FNDC3B: variants seen among roughly 807,000 people sequenced by gnomAD.
The protein encoded by FNDC3B is fibronectin type III domain containing 3B.
FNDC3B carries 12 observed loss-of-function variants against 151.5 expected under a neutral mutation model. That is an observed-to-expected ratio of 0.08 (90% CI 0.05 to 0.13). FNDC3B has a LOEUF of 0.13. Ranked by LOEUF, FNDC3B falls within the 10% of genes least tolerant of loss-of-function variation. The probability of loss-of-function intolerance (pLI) is 1.00; values close to 1 mark genes in which losing one functional copy is unlikely to be tolerated. For synonymous variants in FNDC3B, 528 were observed against 549.0 expected (o/e 0.96, Z 0.54); for missense variants, 1,214 against 1,505.3 (o/e 0.81, Z 3.20).
intron 25 of FNDC3B, among the ~76,000 whole-genome samples, chr3:172,388,542 A>G (rs1169477232): frequency 1.3e-5 from 2 of 152,268 alleles, no homozygotes; most frequent in Admixed American, 1.3e-4. Context: ...TGCCTTTGTC[A>G]AAATGAATGA....
At chr3:172,251,071 G>T (rs528096499) in intron 5 of FNDC3B, among the ~76,000 whole-genome samples, 189 bp from the exon 6 acceptor site, 1 of 152,092 alleles carries the variant, frequency 6.6e-6, no homozygotes, top group East Asian at 1.9e-4. Context: ...GCCCACCTCG[G>T]CCTCCCAAAG....
intron 1 of FNDC3B, among the ~76,000 whole-genome samples, chr3:172,094,867 A>C (rs1719021245): frequency 6.6e-6 from 1 of 151,728 alleles, no homozygotes; most frequent in South Asian, 2.1e-4. Flanking sequence ...CATGGTCTGC[A>C]TGTGCAGGGT....
chr3:172,166,480 G>A (rs920852318), intron 3 of FNDC3B, among the ~76,000 whole-genome samples: 9 of 152,136 alleles, frequency 5.9e-5, no homozygotes, highest in African/African-American at 2.2e-4. Context: ...GTGTGCTCTC[G>A]TGACAGTCTG....
chr3:172,130,278 T>C (rs1232611663), intron 2 of FNDC3B, among the ~76,000 whole-genome samples: 1 of 152,182 alleles, frequency 6.6e-6, no homozygotes, highest in South Asian at 2.1e-4. Flanking sequence ...AAGATGAATA[T>C]GGTTTGTTTA....
At chr3:172,078,516 C>CAGGGGATCCAT (rs56778030) in intron 1 of FNDC3B, among the ~76,000 whole-genome samples, 96,156 of 151,474 alleles carry the variant, frequency 0.63, 30,709 homozygotes, top group East Asian at 0.78. Context: ...GTAGAGGAGC[C>CAGGGGATCCAT]AGGCCTGTGA....
intron 23 of FNDC3B, among the ~76,000 whole-genome samples, chr3:172,373,940 G>C (rs534255026): frequency 6.6e-6 from 1 of 152,316 alleles, no homozygotes; most frequent in South Asian, 2.1e-4. Flanking sequence ...GGAGCAAGGG[G>C]AACCAGACAT....
intron 3 of FNDC3B, among the ~76,000 whole-genome samples, chr3:172,181,816 A>T (rs185843823): frequency 8.3e-4 from 114 of 137,866 alleles, no homozygotes; most frequent in African/African-American, 3.0e-3. Flanking sequence ...TGACAGAGCA[A>T]GACTCCATCT....
intron 21 of FNDC3B, among the ~76,000 whole-genome samples, chr3:172,347,968 T>G (rs922965343): frequency 2.2e-4 from 33 of 152,222 alleles, no homozygotes; most frequent in Non-Finnish European, 4.3e-4. Context: ...TTTATTTTAC[T>G]CTCTTGGCTA....
At chr3:172,228,969 C>G (rs1726734142) in intron 4 of FNDC3B, among the ~76,000 whole-genome samples, 1 of 152,036 alleles carries the variant, frequency 6.6e-6, no homozygotes, top group Non-Finnish European at 1.5e-5. Context: ...TGGCAGTACA[C>G]ACACTTCAAT....
At chr3:172,214,023 G>GT (rs1725855587) in intron 3 of FNDC3B, among the ~76,000 whole-genome samples, 2 of 152,180 alleles carry the variant, frequency 1.3e-5, no homozygotes, top group Non-Finnish European at 2.9e-5. Flanking sequence ...CCATAAAGCA[G>GT]TCTGGTGCCT....
intron 6 of FNDC3B, among the ~76,000 whole-genome samples, chr3:172,263,248 C>T (rs1322961554): frequency 6.6e-6 from 1 of 151,880 alleles, no homozygotes; most frequent in Non-Finnish European, 1.5e-5. Context: ...TTTATTACTG[C>T]TTCTCTTAAT....
At chr3:172,326,538 A>T (rs751235877) in intron 11 of FNDC3B, among the ~76,000 whole-genome samples, 3 of 152,106 alleles carry the variant, frequency 2.0e-5, no homozygotes, top group African/African-American at 4.8e-5. Flanking sequence ...TGTTTTTGAG[A>T]TGGAGTCTTG....
At chr3:172,377,162 T>A (rs1246700505) in intron 23 of FNDC3B, among the ~76,000 whole-genome samples, 1 of 152,268 alleles carries the variant, frequency 6.6e-6, no homozygotes, top group Non-Finnish European at 1.5e-5. Context: ...TTTTGGATTA[T>A]GATTTTGTTA....
chr3:172,261,863 T>C (rs1728664065), intron 6 of FNDC3B, among the ~76,000 whole-genome samples: 1 of 152,212 alleles, frequency 6.6e-6, no homozygotes, highest in South Asian at 2.1e-4. Context: ...CCCTTCCCCA[T>C]TCCAGATTGT....
chr3:172,177,624 A>ATTTTTTTTTTTTTTT (rs1211143726), intron 3 of FNDC3B, among the ~76,000 whole-genome samples: 7 of 55,662 alleles, frequency 1.3e-4, no homozygotes, highest in African/African-American at 3.8e-4. Flanking sequence ...TTTTACCACC[A>ATTTTTTTTTTTTTTT]TCTTTTTTTT....
At chr3:172,379,115 T>G (rs1560107719) in intron 24 of FNDC3B, among the ~76,000 whole-genome samples, 1 of 152,210 alleles carries the variant, frequency 6.6e-6, no homozygotes, top group Non-Finnish European at 1.5e-5. Context: ...CACAGAGCTA[T>G]GCCTGACTGC....
At chr3:172,197,143 T>G (rs1429529428) in intron 3 of FNDC3B, among the ~76,000 whole-genome samples, 1 of 152,128 alleles carries the variant, frequency 6.6e-6, no homozygotes, top group East Asian at 1.9e-4. Flanking sequence ...ATGGCACCAC[T>G]GGATTCTAGC....
chr3:172,159,180 G>T (rs1300061214), intron 3 of FNDC3B, among the ~76,000 whole-genome samples: 1 of 152,214 alleles, frequency 6.6e-6, no homozygotes, highest in Non-Finnish European at 1.5e-5. Context: ...TCAGGAGGCT[G>T]AGGCAGGAGA....
chr3:172,388,915 G>A (rs370229070), intron 25 of FNDC3B, among the ~76,000 whole-genome samples: 99 of 152,162 alleles, frequency 6.5e-4, no homozygotes, highest in Middle Eastern at 3.4e-3. Context: ...GCCAAGCCCC[G>A]TCCTAGGAGG....
Sources: gnomAD v4.1 joint callset for allele counts (sites outside exome capture counted in the v4.1 genomes callset) on GRCh38, gnomAD v4.1.1 for gene constraint, MANE v1.5 for transcripts, NCBI Gene and HGNC (gene_info 2026-07-23, HGNC 2026-07-21) for gene names.